Variants in PCDHGB3 observed in about 807,000 individuals in gnomAD.
The protein encoded by PCDHGB3 is protocadherin gamma-B3.
Under a neutral mutation model 59.2 loss-of-function variants are expected in PCDHGB3, and 40 were observed. The observed-to-expected ratio is 0.68, with a 90% CI of 0.52 to 0.88. The LOEUF (loss-of-function observed/expected upper bound fraction) is 0.88, where lower values mean the gene tolerates loss of function less well. Ranked by LOEUF, PCDHGB3 falls within the 40% of genes least tolerant of loss-of-function variation. The pLI is 0.00. For synonymous variants in PCDHGB3, 581 were observed against 503.6 expected, an observed-to-expected ratio of 1.15 and a Z score of -2.06; for missense variants, 1,309 against 1,187.9, an observed-to-expected ratio of 1.10 and a Z score of -1.50.
chr5:141,410,760 A>C, intron 1 of PCDHGB3: 1 of 1,177,482 alleles, frequency 8.5e-7, no homozygotes. Context: ...ATGTTTTTTC[A>C]ATTATAGTTT....
At chr5:141,406,836 TC>T (rs2094857566) in intron 1 of PCDHGB3, among the ~76,000 whole-genome samples, 1 of 152,232 alleles carries the variant, frequency 6.6e-6, no homozygotes, top group Non-Finnish European at 1.5e-5. Context: ...AACTTGCATA[TC>T]AGATATAATT....
At chr5:141,430,301 C>G (rs985986465) in intron 1 of PCDHGB3, among the ~76,000 whole-genome samples, 2 of 150,982 alleles carry the variant, frequency 1.3e-5, no homozygotes, top group Non-Finnish European at 2.9e-5. Context: ...AGCAGATGCA[C>G]TAACATTATA....
In PCDHGB3 at chr5:141,431,961, A is replaced by C; in HGVS notation, c.2415+59152A>C. Reference sequence around the variant, plus strand: ...AAATTAGAAAAATCTTACGGAAATTACTATAGTTTAGTCACAGACATAGTC... The same window carrying C: ...AAATTAGAAAAATCTTACGGAAATTCCTATAGTTTAGTCACAGACATAGTC... On this transcript the variant is annotated intron_variant, in intron 1 of 3. Transcript: ENST00000576222. The surrounding 1 kb of genome is among the most constrained non-coding windows in gnomAD (Gnocchi z 4.8). 1 of 1,614,206 alleles carries C rather than the reference A, an allele frequency of 6.2e-7. No homozygotes were observed.
intron 1 of PCDHGB3, among the ~76,000 whole-genome samples, chr5:141,456,946 G>A (rs182320066): frequency 2.3e-4 from 35 of 152,284 alleles, no homozygotes; most frequent in Admixed American, 2.3e-3. Context: ...CTGGGCAACA[G>A]AGCAAAACTC....
chr5:141,421,227 C>T (rs1387397967), intron 1 of PCDHGB3: 1 of 1,587,020 alleles, frequency 6.3e-7, no homozygotes, highest in Non-Finnish European at 8.6e-7. Context: ...TAGAGCCTGC[C>T]ATGGCGAATC....
chr5:141,482,981 AGG>A (rs2099575420), intron 1 of PCDHGB3, among the ~76,000 whole-genome samples: 1 of 150,250 alleles, frequency 6.7e-6, no homozygotes, highest in African/African-American at 2.5e-5. Context: ...GCTACTTGAG[AGG>A]TCGAGGCAGG....
At chr5:141,440,382 C>T (rs898655247) in intron 1 of PCDHGB3, 2 of 152,178 alleles carry the variant, frequency 1.3e-5, no homozygotes, top group Non-Finnish European at 2.9e-5. Context: ...AGGAGAATCG[C>T]TTGAACCCGA....
At chr5:141,510,447 C>T (rs1270073364) in intron 3 of PCDHGB3, among the ~76,000 whole-genome samples, 1 of 152,026 alleles carries the variant, frequency 6.6e-6, no homozygotes, top group Non-Finnish European at 1.5e-5. Flanking sequence ...CTCCAGGAGC[C>T]CATGGTCTAG....
At chr5:141,401,838 T>C in intron 1 of PCDHGB3, among the ~76,000 whole-genome samples, 1 of 152,232 alleles carries the variant, frequency 6.6e-6, no homozygotes, top group East Asian at 1.9e-4. Context: ...TTTCTTATAA[T>C]ACCACTTACT....
In PCDHGB3 at chr5:141,431,827, TC is replaced by T. The variant is rs571306928; in HGVS notation, c.2415+59021del. 1.2e-3 allele frequency: 2,007 copies of T among 1,614,226 alleles called. No individual in the cohort carries two copies. The highest frequency in any genetic ancestry group is 1.5e-3 in the Non-Finnish European group (1,827 of 1,180,024). On this transcript the variant is annotated intron_variant, in intron 1 of 3. Coordinates refer to ENST00000576222, the MANE Select transcript of PCDHGB3 (RefSeq NM_018924.5). This position sits in a 1 kb window ranked among gnomAD's most constrained non-coding sequence, Gnocchi z 4.8. ...TCCTCACCTCTCTCGCCAGCTCGGT[TC>T]CCGAAAACTCTCCCAGAGGGACATT...
intron 1 of PCDHGB3, among the ~76,000 whole-genome samples, chr5:141,461,906 C>A (rs2154567542): frequency 6.6e-6 from 1 of 152,270 alleles, no homozygotes; most frequent in South Asian, 2.1e-4. Context: ...TCACTGCAAC[C>A]TCTGCCTCCT....
At chr5:141,384,574 C>T in intron 1 of PCDHGB3, 1 of 1,614,228 alleles carries the variant, frequency 6.2e-7, no homozygotes, top group Non-Finnish European at 8.5e-7. Flanking sequence ...GAATGACAAC[C>T]CGCCCGAGAT....
At chr5:141,376,288 G>T (rs753554580) in intron 1 of PCDHGB3, 1 of 1,614,216 alleles carries the variant, frequency 6.2e-7, no homozygotes, top group Non-Finnish European at 8.5e-7. Context: ...TAGCGAGCAT[G>T]CCCGGCTCGC....
chr5:141,371,926 G>A lies in PCDHGB3; in HGVS notation c.1532G>A (p.Ser511Asn), dbSNP rs766218641. Residue 511 changes from serine (S) to asparagine (N), a missense_variant, in exon 1 of 4, where the codon AGC becomes AAC. Ser to Asn is a conservative substitution (Grantham distance 46). Transcript: ENST00000576222. ...TCCTACGTGTCCGTGAGCGCGCGGAGCGGGGTGGTGTTCGCGCAGCGAGCC... is the reference window on the plus strand; with the variant it reads ...TCCTACGTGTCCGTGAGCGCGCGGAACGGGGTGGTGTTCGCGCAGCGAGCC... ...LSSYVSVSAR[S>N]GVVFAQRAFD... is the part of the protein sequence containing the mutation. 4 of 1,613,370 alleles carry A rather than the reference G, an allele frequency of 2.5e-6. No individual in the cohort carries two copies. Among genetic ancestry groups the A allele is most frequent in the East Asian group, 4.5e-5 (2 of 44,884 alleles).
intron 1 of PCDHGB3, among the ~76,000 whole-genome samples, chr5:141,470,600 G>A (rs890975756): frequency 4.6e-5 from 7 of 152,142 alleles, no homozygotes; most frequent in South Asian, 2.1e-4. Context: ...CGACCTGTGC[G>A]GGGACACAGG....
intron 1 of PCDHGB3, chr5:141,403,146 G>A (rs1400601984): frequency 1.9e-6 from 3 of 1,613,938 alleles, no homozygotes; most frequent in African/African-American, 2.7e-5. Flanking sequence ...CGCCGAGTCC[G>A]CATCGTCTCT....
chr5:141,422,432 A>G, intron 1 of PCDHGB3: 1 of 1,609,448 alleles, frequency 6.2e-7, no homozygotes, highest in Non-Finnish European at 8.5e-7. Context: ...TATGGAAATT[A>G]TTACAAATTG....
At chr5:141,414,266 C>T in intron 1 of PCDHGB3, 1 of 1,613,254 alleles carries the variant, frequency 6.2e-7, no homozygotes, top group Non-Finnish European at 8.5e-7. Context: ...ACTGAAGATT[C>T]ACCTCTGGGA....
chr5:141,403,489 C>T (rs187216481), intron 1 of PCDHGB3: 2 of 1,614,050 alleles, frequency 1.2e-6, no homozygotes, highest in East Asian at 2.2e-5. Flanking sequence ...ACCACTTCTC[C>T]CTGAACGTGC....
Sources: allele counts gnomAD v4.1 joint callset (sites outside exome capture counted in the v4.1 genomes callset), GRCh38; gene constraint gnomAD v4.1.1; non-coding constraint Gnocchi (gnomAD v3.1); transcripts MANE v1.5; gene names NCBI Gene and HGNC (gene_info 2026-07-23, HGNC 2026-07-21).